Variants in CRHR2 observed in about 807,000 individuals in gnomAD.
CRHR2 encodes corticotropin releasing hormone receptor 2.
A neutral mutation model predicts 57.9 loss-of-function variants in CRHR2; 53 were observed. The observed-to-expected ratio is 0.92, with a 90% CI of 0.73 to 1.15. CRHR2 has a LOEUF of 1.15. Among genes scored for constraint, CRHR2 ranks in the 50% most tolerant of loss-of-function variants. The pLI, the probability that CRHR2 is intolerant of heterozygous loss-of-function variation, is 0.00. For missense variants in CRHR2, 532 were observed against 542.6 expected (o/e 0.98, Z 0.19); for synonymous variants, 213 against 220.9 (o/e 0.96, Z 0.32).
At chr7:30,689,491 C>A (rs1784918089) in intron 1 of CRHR2, among the ~76,000 whole-genome samples, 1 of 152,138 alleles carries the variant, frequency 6.6e-6, no homozygotes, top group South Asian at 2.1e-4. Flanking sequence ...TGGCCCAATG[C>A]AGTGTTGCCT....
rs907736706 is a variant in CRHR2, at chr7:30,667,389, A to G, written c.230-76T>C. On this transcript the variant is annotated intron_variant, in intron 2 of 11. Coordinates refer to ENST00000471646, the MANE Select transcript of CRHR2 (RefSeq NM_001883.5). ...CCCTCCCTGGCTCCCTGGTGCCCACAGGATAAGGTGTACGCACCTCAGCTC... is the reference window on the plus strand; with the variant it reads ...CCCTCCCTGGCTCCCTGGTGCCCACGGGATAAGGTGTACGCACCTCAGCTC... 3.1e-6 allele frequency: 4 copies of G among 1,276,846 alleles called. No homozygotes were observed. The African/African-American group carries it at 5.8e-5, about 19-fold the overall frequency. 79.1% of individuals were successfully genotyped at this position (1,276,846 alleles called of 1,614,324 possible).
At chr7:30,660,752 C>G (rs117102305) in intron 7 of CRHR2, 107 bp from the exon 8 acceptor site, 13,471 of 1,001,704 alleles carry the variant, frequency 0.013, 116 homozygotes, top group Non-Finnish European at 0.017. Context: ...GACCCAATCT[C>G]CAGGACTGCC....
In CRHR2 at chr7:30,682,181, CG is replaced by C; in HGVS notation, c.99del (p.Glu34ArgfsTer117). The C allele has an allele frequency of 6.4e-7, 1 of 1,573,762 alleles. No homozygotes were observed. ...LLDGWGPPLD[P>X]EGPYSYCNTT... ...CGACCGCTCGCCTCCCGCCTACCCT[CG>C]GGGTCCAGGGGTGGCCCCCAGCCGT... On this transcript the variant is annotated frameshift_variant, in exon 1 of 12. Coordinates refer to ENST00000471646, the MANE Select transcript of CRHR2 (RefSeq NM_001883.5). LOFTEE classifies it high-confidence loss of function.
intron 6 of CRHR2, 116 bp downstream of exon 6, chr7:30,662,578 C>T: frequency 7.8e-7 from 1 of 1,288,310 alleles, no homozygotes; most frequent in East Asian, 2.4e-5. Context: ...ATCCACCGGA[C>T]TGCGCTGGGG....
intron 2 of CRHR2, among the ~76,000 whole-genome samples, chr7:30,667,853 A>G (rs1784235819): frequency 6.6e-6 from 1 of 152,244 alleles, no homozygotes. Context: ...CATTTCAAAG[A>G]GGAGGAAACT....
intron 8 of CRHR2, among the ~76,000 whole-genome samples, chr7:30,657,891 C>A (rs894413269): frequency 1.3e-5 from 2 of 152,128 alleles, no homozygotes; most frequent in Non-Finnish European, 2.9e-5. Context: ...CATCCACGTA[C>A]CCATCCATCT....
intron 2 of CRHR2, chr7:30,688,894 G>A: frequency 1.9e-6 from 1 of 535,578 alleles, no homozygotes; most frequent in South Asian, 1.5e-5. Flanking sequence ...GAAAGCTGAG[G>A]GGTCATCCCC....
chr7:30,678,214 G>T (rs1410977984), intron 2 of CRHR2, among the ~76,000 whole-genome samples: 2 of 152,242 alleles, frequency 1.3e-5, no homozygotes, highest in African/African-American at 2.4e-5. Context: ...TAACCTAGCA[G>T]AGTTGCTTTT....
intron 2 of CRHR2, among the ~76,000 whole-genome samples, chr7:30,676,091 A>G (rs1375619807): frequency 1.3e-5 from 2 of 152,192 alleles, no homozygotes; most frequent in Non-Finnish European, 2.9e-5. Context: ...GACTTGCTGT[A>G]GAACTCTGAG....
At chr7:30,661,116 G>A (rs1783982242) in intron 7 of CRHR2, among the ~76,000 whole-genome samples, 1 of 152,238 alleles carries the variant, frequency 6.6e-6, no homozygotes, top group Non-Finnish European at 1.5e-5. Flanking sequence ...TCCAGCCTGG[G>A]ATTTTGCGTC....
At chr7:30,668,295 C>G (rs1784248593) in intron 2 of CRHR2, among the ~76,000 whole-genome samples, 1 of 152,070 alleles carries the variant, frequency 6.6e-6, no homozygotes, top group Admixed American at 6.5e-5. Context: ...CAGGAGGAAG[C>G]CCTCCCACCT....
At chr7:30,699,451 T>C (rs255116) in intron 1 of CRHR2, among the ~76,000 whole-genome samples, 94,426 of 150,596 alleles carry the variant, frequency 0.63, 29,869 homozygotes, top group Middle Eastern at 0.69. Flanking sequence ...GGGCAGGAGG[T>C]GGCTCTCTGC....
intron 2 of CRHR2, among the ~76,000 whole-genome samples, chr7:30,669,793 C>T (rs543614170): frequency 2.0e-5 from 3 of 152,318 alleles, no homozygotes; most frequent in East Asian, 3.9e-4. Flanking sequence ...GCCCTTGACA[C>T]CCAGGTCCCA....
chr7:30,665,098 A>T lies in CRHR2; in HGVS notation c.515T>A (p.Val172Asp). 6.2e-7 allele frequency: 1 copy of T among 1,614,052 alleles called. No homozygotes were observed. Among genetic ancestry groups the T allele is most frequent in the Non-Finnish European group, 8.5e-7 (1 of 1,180,006 alleles). The stretch of plus-strand genomic sequence containing the variant: ...ATTGCTCTCGTGCACTTCATGGTCA[A>T]CGAGCTGCAGCAGGAACCACATGAC... Reference protein sequence around the residue: ...RNVMWFLLQLVDHEVHESNEV... With the variant: ...RNVMWFLLQLDDHEVHESNEV... Residue 172 changes from valine (V) to aspartate (D), a missense_variant, in exon 5 of 12, where the codon GTT becomes GAT. Transcript: ENST00000471646. The surrounding 1 kb of genome is among the most constrained non-coding windows in gnomAD (Gnocchi z 4.5).
At chr7:30,666,958 C>T (rs747390162) in intron 3 of CRHR2, among the ~76,000 whole-genome samples, 3 of 152,188 alleles carry the variant, frequency 2.0e-5, no homozygotes, top group Non-Finnish European at 2.9e-5. Context: ...ATTGATTACA[C>T]GGTTATTCCC....
At chr7:30,677,476 G>A (rs1187266533) in intron 2 of CRHR2, among the ~76,000 whole-genome samples, 1 of 152,210 alleles carries the variant, frequency 6.6e-6, no homozygotes, top group Non-Finnish European at 1.5e-5. Flanking sequence ...GCCCACAAAA[G>A]GGATGAGACT....
At chr7:30,681,756 G>A (rs959783902) in intron 2 of CRHR2, among the ~76,000 whole-genome samples, 159 bp downstream of exon 2, 1 of 152,234 alleles carries the variant, frequency 6.6e-6, no homozygotes, top group Non-Finnish European at 1.5e-5. Flanking sequence ...GAAGCAGAAG[G>A]CGCGCCCCCA....
intron 6 of CRHR2, 111 bp from the exon 7 acceptor site, chr7:30,662,327 C>A: frequency 7.9e-7 from 1 of 1,269,096 alleles, no homozygotes; most frequent in Non-Finnish European, 1.1e-6. Flanking sequence ...ACTCTTCCAA[C>A]AGCAGGCCAC....
At chr7:30,669,799 T>G (rs1210260915) in intron 2 of CRHR2, among the ~76,000 whole-genome samples, 1 of 152,164 alleles carries the variant, frequency 6.6e-6, no homozygotes, top group Non-Finnish European at 1.5e-5. Context: ...GACACCCAGG[T>G]CCCAGCCTAA....
Sources: gnomAD v4.1 joint callset for allele counts (sites outside exome capture counted in the v4.1 genomes callset) on GRCh38, gnomAD v4.1.1 for gene constraint, Gnocchi (gnomAD v3.1) non-coding constraint, MANE v1.5 for transcripts, NCBI Gene and HGNC (gene_info 2026-07-23, HGNC 2026-07-21) for gene names.